The following F13A1 variants were observed in gnomAD, a reference collection of about 807,000 sequenced individuals.
F13A1 encodes FSF, A subunit.
F13A1 carries 47 observed loss-of-function variants against 80.1 expected under a neutral mutation model. That is an observed-to-expected ratio of 0.59 (90% confidence interval 0.46 to 0.75). F13A1 has a LOEUF of 0.75. Ranked by LOEUF, F13A1 falls within the 30% of genes least tolerant of loss-of-function variation. The probability of loss-of-function intolerance (pLI) is 0.00; values close to 1 mark genes in which losing one functional copy is unlikely to be tolerated. For synonymous variants in F13A1, 349 were observed against 344.9 expected, an observed-to-expected ratio of 1.01 and a Z score of -0.13; for missense variants, 817 against 930.4, an observed-to-expected ratio of 0.88 and a Z score of 1.59.
At chr6:6,283,647 A>G (rs547442819) in intron 3 of F13A1, among the ~76,000 whole-genome samples, 1 of 152,268 alleles carries the variant, frequency 6.6e-6, no homozygotes, top group Non-Finnish European at 1.5e-5. Context: ...TTTTTGTACA[A>G]TTATCCTGTA....
intron 8 of F13A1, among the ~76,000 whole-genome samples, chr6:6,207,159 A>G (rs1583071570): frequency 6.6e-6 from 1 of 152,136 alleles, no homozygotes; most frequent in Non-Finnish European, 1.5e-5. Flanking sequence ...CCTTATTCTC[A>G]CCCCACCTCC....
In F13A1 at chr6:6,320,657, G is replaced by C. The variant is rs544947111; in HGVS notation, c.-89C>G. The C allele has an allele frequency of 4.3e-6, 2 of 470,100 alleles. No individual in the cohort carries two copies. The highest frequency in any genetic ancestry group is 8.8e-6 in the Non-Finnish European group (2 of 226,570). 29.1% of individuals were successfully genotyped at this position (470,100 alleles called of 1,614,324 possible). On this transcript the variant is annotated 5_prime_UTR_variant, in exon 1 of 15. Coordinates refer to ENST00000264870, the MANE Select transcript of F13A1 (RefSeq NM_000129.4). ...GTGCGCCTCGGGGACTTCCTCAAAC[G>C]GACTCGGGAAAGACAAGACAGTTGG...
intron 8 of F13A1, among the ~76,000 whole-genome samples, chr6:6,206,989 C>T (rs2113025169): frequency 6.6e-6 from 1 of 151,940 alleles, no homozygotes; most frequent in East Asian, 1.9e-4. Flanking sequence ...AAATCTGCTC[C>T]TCCATAGAGC....
chr6:6,209,478 C>T (rs1761562281), intron 8 of F13A1, among the ~76,000 whole-genome samples: 1 of 152,050 alleles, frequency 6.6e-6, no homozygotes, highest in African/African-American at 2.4e-5. Context: ...TACCATACAA[C>T]CCAGAAATTC....
At chr6:6,265,235 C>T (rs911996586) in intron 4 of F13A1, among the ~76,000 whole-genome samples, 30 of 152,200 alleles carry the variant, frequency 2.0e-4, no homozygotes, top group African/African-American at 7.0e-4. Context: ...GTGACTTTCA[C>T]ATACAAGGAT....
intron 12 of F13A1, among the ~76,000 whole-genome samples, chr6:6,173,493 C>A (rs1036281326): frequency 6.6e-6 from 1 of 151,660 alleles, no homozygotes; most frequent in African/African-American, 2.4e-5. Context: ...CTGCAACCTC[C>A]GCCTCCCGGG....
At chr6:6,238,715 CATATATAT>C (rs4053228) in intron 6 of F13A1, among the ~76,000 whole-genome samples, 6 of 145,990 alleles carry the variant, frequency 4.1e-5, no homozygotes, top group African/African-American at 1.3e-4. Context: ...AAACATGCTG[CATATATAT>C]ATATATATAT....
chr6:6,207,891 A>AAAC (rs540626756), intron 8 of F13A1, among the ~76,000 whole-genome samples: 2 of 152,242 alleles, frequency 1.3e-5, no homozygotes, highest in Non-Finnish European at 2.9e-5. Context: ...GCAGCAGCAA[A>AAAC]AACAACAACA....
chr6:6,156,067 A>G (rs180828319), intron 13 of F13A1, among the ~76,000 whole-genome samples: 4 of 152,360 alleles, frequency 2.6e-5, no homozygotes, highest in Admixed American at 1.3e-4. Flanking sequence ...CAGAGAAAAG[A>G]ATAAAGCATA....
rs377102599 is a variant in F13A1, at chr6:6,237,436, G to A, written c.798+10876C>T. Among the ~76,000 whole-genome samples the A allele has an allele frequency of 1.7e-3, 264 of 152,222 alleles. 7 individuals carry two copies. Among genetic ancestry groups the A allele is most frequent in the South Asian group, 0.017 (81 of 4,822 alleles). On this transcript the variant is annotated intron_variant, in intron 6 of 14. Transcript: ENST00000264870. ...AACAGCCAGGGTCACATACTTGGTC[G>A]AAAGGAAAGGAAAATCATCTACCAT...
intron 8 of F13A1, among the ~76,000 whole-genome samples, chr6:6,202,427 G>A (rs1375579639): frequency 1.3e-5 from 2 of 152,230 alleles, no homozygotes; most frequent in Admixed American, 1.3e-4. Flanking sequence ...GCAGGGCCCA[G>A]TCATTAGGAG....
chr6:6,272,787 A>G (rs1757940169), intron 3 of F13A1, among the ~76,000 whole-genome samples: 1 of 152,208 alleles, frequency 6.6e-6, no homozygotes, highest in African/African-American at 2.4e-5. Context: ...CCCAATACCC[A>G]TAATGATATA....
At chr6:6,235,374 T>C (rs887018313) in intron 6 of F13A1, among the ~76,000 whole-genome samples, 8 of 151,904 alleles carry the variant, frequency 5.3e-5, no homozygotes, top group Non-Finnish European at 7.4e-5. Context: ...TATTTGTAAA[T>C]CCTTTATCTG....
intron 3 of F13A1, among the ~76,000 whole-genome samples, chr6:6,288,570 G>C (rs1008029032): frequency 6.6e-6 from 1 of 152,142 alleles, no homozygotes; most frequent in African/African-American, 2.4e-5. Flanking sequence ...CATTGGTTAG[G>C]TTGCTTTCAT....
intron 14 of F13A1, among the ~76,000 whole-genome samples, chr6:6,146,432 C>T (rs1191459928): frequency 1.3e-5 from 2 of 152,134 alleles, no homozygotes; most frequent in Non-Finnish European, 2.9e-5. Flanking sequence ...AATGACATAG[C>T]CTTTCATGGT....
At chr6:6,219,987 C>A (rs1041170176) in intron 8 of F13A1, among the ~76,000 whole-genome samples, 1 of 152,178 alleles carries the variant, frequency 6.6e-6, no homozygotes, top group South Asian at 2.1e-4. Flanking sequence ...ATTGTTCTCT[C>A]CACTTTAGAG....
chr6:6,187,873 A>G (rs1307842479), intron 10 of F13A1, among the ~76,000 whole-genome samples: 29 of 138,262 alleles, frequency 2.1e-4, no homozygotes, highest in African/African-American at 7.5e-4. Flanking sequence ...TTGGTTGGTA[A>G]GCTATTGATT....
intron 6 of F13A1, among the ~76,000 whole-genome samples, chr6:6,226,697 T>C (rs893671041): frequency 1.3e-5 from 2 of 152,206 alleles, no homozygotes; most frequent in Non-Finnish European, 2.9e-5. Context: ...TTTTACCAAG[T>C]GTTAGCAAAG....
chr6:6,167,907 G>A (rs1262696224), intron 12 of F13A1, among the ~76,000 whole-genome samples: 1 of 152,192 alleles, frequency 6.6e-6, no homozygotes, highest in Non-Finnish European at 1.5e-5. Context: ...GAAAAGATGT[G>A]ATTTTCATGG....
Sources: gnomAD v4.1 joint callset for allele counts (sites outside exome capture counted in the v4.1 genomes callset) on GRCh38, gnomAD v4.1.1 for gene constraint, MANE v1.5 for transcripts, NCBI Gene and HGNC (gene_info 2026-07-23, HGNC 2026-07-21) for gene names.